The following NALF1 variants were observed in gnomAD, a reference collection of about 807,000 sequenced individuals.
NALF1 encodes NALCN channel auxiliary factor 1.
In NALF1, 3 loss-of-function variants were observed where a neutral mutation model predicts 48.4. The ratio of observed to expected loss-of-function variants is 0.06; its 90% CI spans 0.03 to 0.16. The LOEUF (loss-of-function observed/expected upper bound fraction) is 0.16, where lower values mean the gene tolerates loss of function less well. Among genes scored for constraint, NALF1 ranks in the 10% least tolerant of loss-of-function variants. The pLI is 1.00. For synonymous variants in NALF1, 262 were observed against 245.7 expected, an observed-to-expected ratio of 1.07 and a Z score of -0.62; for missense variants, 526 against 571.5, an observed-to-expected ratio of 0.92 and a Z score of 0.81.
chr13:107,440,469 A>G (rs142846318), intron 1 of NALF1, among the ~76,000 whole-genome samples: 4 of 152,318 alleles, frequency 2.6e-5, no homozygotes, highest in East Asian at 1.9e-4. Context: ...GCATCACTCT[A>G]TGTACTGTTC....
At chr13:107,818,044 CCTT>C (rs1246637995) in intron 1 of NALF1, among the ~76,000 whole-genome samples, 3 of 152,196 alleles carry the variant, frequency 2.0e-5, no homozygotes, top group Non-Finnish European at 4.4e-5. Context: ...ATATCCCTAT[CCTT>C]CTTGAATTCT....
intron 1 of NALF1, among the ~76,000 whole-genome samples, chr13:107,513,871 G>T (rs1875973320): frequency 6.6e-6 from 1 of 152,162 alleles, no homozygotes. Flanking sequence ...TAAAAGCAGG[G>T]CATAGTTTTT....
chr13:107,314,157 A>G (rs933230208), intron 1 of NALF1, among the ~76,000 whole-genome samples: 2 of 152,100 alleles, frequency 1.3e-5, no homozygotes, highest in Non-Finnish European at 2.9e-5. Flanking sequence ...AATGTCTCTC[A>G]GGTCTACTCT....
chr13:107,342,755 T>C (rs1423576495), intron 1 of NALF1, among the ~76,000 whole-genome samples: 2 of 151,958 alleles, frequency 1.3e-5, no homozygotes, highest in Non-Finnish European at 2.9e-5. Flanking sequence ...AGAAGAGATA[T>C]AAAAGGAAAT....
chr13:107,750,596 A>G (rs1876910719), intron 1 of NALF1, among the ~76,000 whole-genome samples: 1 of 152,076 alleles, frequency 6.6e-6, no homozygotes. Context: ...AAAAAAAAGA[A>G]AACAAAGAAG....
intron 1 of NALF1, among the ~76,000 whole-genome samples, chr13:107,660,492 A>G (rs1456578058): frequency 7.7e-5 from 11 of 142,758 alleles, no homozygotes; most frequent in Non-Finnish European, 1.1e-4. Context: ...CACAACAAAG[A>G]AACAAAAAAA....
chr13:107,706,801 T>C (rs550423503), intron 1 of NALF1, among the ~76,000 whole-genome samples: 14 of 152,202 alleles, frequency 9.2e-5, no homozygotes, highest in Admixed American at 3.3e-4. Flanking sequence ...AAAATACCAG[T>C]AAGAAAATGT....
chr13:107,661,970 T>C (rs1476091397), intron 1 of NALF1, among the ~76,000 whole-genome samples: 1 of 152,126 alleles, frequency 6.6e-6, no homozygotes, highest in South Asian at 2.1e-4. Flanking sequence ...TTTTAAAAAA[T>C]TGTATGAGGA....
intron 1 of NALF1, among the ~76,000 whole-genome samples, chr13:107,823,654 T>C (rs948750687): frequency 6.6e-6 from 1 of 152,132 alleles, no homozygotes; most frequent in African/African-American, 2.4e-5. Context: ...CTTTCAAAGG[T>C]TAATTCTTCA....
intron 1 of NALF1, among the ~76,000 whole-genome samples, chr13:107,542,726 G>A (rs942031757): frequency 2.0e-5 from 3 of 152,084 alleles, no homozygotes. Context: ...ATGTATTGCT[G>A]TTGGAATATA....
At chr13:107,527,828 G>T (rs1876495542) in intron 1 of NALF1, among the ~76,000 whole-genome samples, 1 of 152,112 alleles carries the variant, frequency 6.6e-6, no homozygotes, top group African/African-American at 2.4e-5. Context: ...TGATTGTGAA[G>T]CTTCCCCAGC....
chr13:107,520,665 G>A (rs562393234), intron 1 of NALF1, among the ~76,000 whole-genome samples: 1 of 152,272 alleles, frequency 6.6e-6, no homozygotes, highest in East Asian at 1.9e-4. Flanking sequence ...CTTATGATGT[G>A]ATTCTCAACA....
intron 1 of NALF1, among the ~76,000 whole-genome samples, chr13:107,456,783 TA>T (rs1314955056): frequency 6.6e-6 from 1 of 152,176 alleles, no homozygotes; most frequent in Non-Finnish European, 1.5e-5. Flanking sequence ...TTTTAAAACA[TA>T]TTTGAAATTA....
intron 1 of NALF1, among the ~76,000 whole-genome samples, chr13:107,408,393 T>G (rs1476667381): frequency 6.6e-6 from 1 of 152,062 alleles, no homozygotes; most frequent in African/African-American, 2.4e-5. Context: ...ATGTAACCCA[T>G]AAATATATAC....
At chr13:107,810,342 A>C (rs562144200) in intron 1 of NALF1, among the ~76,000 whole-genome samples, 1 of 152,132 alleles carries the variant, frequency 6.6e-6, no homozygotes, top group South Asian at 2.1e-4. Flanking sequence ...AATTTATCTC[A>C]GAGTCTCTTC....
chr13:107,813,053 A>G (rs922257165), intron 1 of NALF1, among the ~76,000 whole-genome samples: 2 of 152,066 alleles, frequency 1.3e-5, no homozygotes, highest in East Asian at 3.9e-4. Flanking sequence ...CCACGCCTGG[A>G]TAACATTATT....
chr13:107,646,840 G>T (rs1252636937), intron 1 of NALF1, among the ~76,000 whole-genome samples: 3 of 152,016 alleles, frequency 2.0e-5, no homozygotes, highest in Non-Finnish European at 2.9e-5. Flanking sequence ...AAATCAGAGT[G>T]TTCTCATTAG....
At chr13:107,825,443 A>T (rs1171749682) in intron 1 of NALF1, among the ~76,000 whole-genome samples, 1 of 152,088 alleles carries the variant, frequency 6.6e-6, no homozygotes, top group Non-Finnish European at 1.5e-5. Flanking sequence ...ACGGATGCAT[A>T]ATCTGTCATC....
At chr13:107,324,933 G>C (rs1882323428) in intron 1 of NALF1, among the ~76,000 whole-genome samples, 1 of 152,150 alleles carries the variant, frequency 6.6e-6, no homozygotes, top group Admixed American at 6.6e-5. Flanking sequence ...GAGTCAATTT[G>C]TTCACTTTAG....
Sources: gnomAD v4.1 joint callset for allele counts (sites outside exome capture counted in the v4.1 genomes callset) on GRCh38, gnomAD v4.1.1 for gene constraint, MANE v1.5 for transcripts, NCBI Gene and HGNC (gene_info 2026-07-23, HGNC 2026-07-21) for gene names.